MUSK: variants seen among roughly 807,000 people sequenced by gnomAD.
MUSK encodes muscle, skeletal receptor tyrosine-protein kinase.
In MUSK, 55 loss-of-function variants were observed where a neutral mutation model predicts 88.7. The observed-to-expected ratio is 0.62, with a 90% CI of 0.50 to 0.78. MUSK has a LOEUF of 0.78. Among genes scored for constraint, MUSK ranks in the 30% least tolerant of loss-of-function variants. MUSK has a pLI of 0.00. For synonymous variants in MUSK, 387 were observed against 391.9 expected (o/e 0.99, Z 0.15); for missense variants, 1,015 against 1,074.3 (o/e 0.94, Z 0.77).
chr9:110,738,776 G>T (rs1158830518), intron 6 of MUSK, among the ~76,000 whole-genome samples: 1 of 152,088 alleles, frequency 6.6e-6, no homozygotes, highest in South Asian at 2.1e-4. Context: ...TTCTGTGCCT[G>T]CCAGATATTT....
intron 7 of MUSK, among the ~76,000 whole-genome samples, chr9:110,757,464 AAAAAAAAAAG>A (rs1015404070): frequency 5.9e-5 from 9 of 151,752 alleles, no homozygotes; most frequent in South Asian, 2.1e-4. Context: ...GTCTTGAAAA[AAAAAAAAAAG>A]AAAAAGAAAG....
rs1477659323 is a variant in MUSK at position 110,804,916 on chromosome 9, T to C, written c.*3928T>C. Among the ~76,000 whole-genome samples, 1 of 151,890 alleles carries C rather than the reference T, an allele frequency of 6.6e-6. No homozygotes were observed. The highest frequency in any genetic ancestry group is 1.9e-4 in the East Asian group (1 of 5,198). On this transcript the variant is annotated 3_prime_UTR_variant, in exon 15 of 15. Transcript: ENST00000374448. ...TAGATGATACATAGAGAGAGATAGA[T>C]AGATAATTTAAACAAAAATAAGATC...
Position 110,800,809 on chromosome 9 carries a change from G to A in MUSK, c.2431G>A (p.Val811Ile), listed in dbSNP as rs776545682. 2 of 1,613,602 alleles carry A rather than the reference G, an allele frequency of 1.2e-6. No homozygotes were observed. The highest frequency in any genetic ancestry group is 1.1e-5 in the South Asian group (1 of 91,078). Residue 811 changes from valine (V) to isoleucine (I), a missense_variant, in exon 15 of 15, where the codon GTC becomes ATC. Coordinates refer to ENST00000374448, the MANE Select transcript of MUSK (RefSeq NM_005592.4). ...QPYYGMAHEE[V>I]IYYVRDGNIL... The stretch of plus-strand genomic sequence containing the variant: ...CTACTATGGGATGGCCCATGAGGAG[G>A]TCATTTACTACGTGCGAGATGGCAA...
At chr9:110,738,388 T>G (rs2077055057) in intron 6 of MUSK, among the ~76,000 whole-genome samples, 1 of 152,194 alleles carries the variant, frequency 6.6e-6, no homozygotes, top group African/African-American at 2.4e-5. Flanking sequence ...CTTTGTCATT[T>G]AAAAATATTC....
intron 5 of MUSK, among the ~76,000 whole-genome samples, chr9:110,722,663 T>C (rs985795370): frequency 2.0e-5 from 3 of 149,268 alleles, no homozygotes; most frequent in African/African-American, 7.4e-5. Context: ...GACCAAGGAG[T>C]AATATTCAGA....
intron 1 of MUSK, among the ~76,000 whole-genome samples, chr9:110,678,350 G>A (rs2076056860): frequency 6.6e-6 from 1 of 151,920 alleles, no homozygotes; most frequent in South Asian, 2.1e-4. Context: ...CAAAACACCT[G>A]GATCCTTCAG....
intron 5 of MUSK, among the ~76,000 whole-genome samples, chr9:110,721,098 TA>T (rs1382697420): frequency 6.6e-6 from 1 of 152,038 alleles, no homozygotes; most frequent in Non-Finnish European, 1.5e-5. Context: ...CTTAAGGTAA[TA>T]AAAGCCATCT....
In MUSK at chr9:110,801,924, T is replaced by A. The variant is rs150709383; in HGVS notation, c.*936T>A. 4.5e-3 allele frequency among the ~76,000 whole-genome samples: 690 copies of A among 152,334 alleles called. 2 individuals are homozygous for A. The highest frequency in any genetic ancestry group is 7.5e-3 in the Non-Finnish European group (507 of 68,032). The stretch of plus-strand genomic sequence containing the variant: ...TTAAATACCATTGTAGATTGATATG[T>A]ATATGCCTTTTGCAAAGTATTACTA... On this transcript the variant is annotated 3_prime_UTR_variant, in exon 15 of 15. Coordinates refer to ENST00000374448, the MANE Select transcript of MUSK (RefSeq NM_005592.4).
In MUSK at chr9:110,800,664, C is replaced by T. The variant is rs199832657; in HGVS notation, c.2286C>T (p.Asp762=). Residue 762 remains aspartate (D), a synonymous_variant, in exon 15 of 15, where the codon GAC becomes GAT. Coordinates refer to ENST00000374448, the MANE Select transcript of MUSK (RefSeq NM_005592.4). ...ACTACTACAAAGCTAATGAAAACGA[C>T]GCTATCCCTATCCGTTGGATGCCAC... ...SADYYKANEN[D]AIPIRWMPPE... The T allele has an allele frequency of 2.9e-4, 473 of 1,613,944 alleles. 5 individuals carry two copies. In the South Asian group the frequency reaches 4.6e-3, roughly 16 times the overall value.
intron 1 of MUSK, among the ~76,000 whole-genome samples, chr9:110,680,558 G>T (rs1468472285): frequency 2.0e-5 from 3 of 151,294 alleles, no homozygotes; most frequent in African/African-American, 7.3e-5. Flanking sequence ...TAAATTTTTT[G>T]TATTTTTAGT....
At chr9:110,686,467 G>GA (rs2076197619) in intron 2 of MUSK, among the ~76,000 whole-genome samples, 1 of 152,084 alleles carries the variant, frequency 6.6e-6, no homozygotes, top group South Asian at 2.1e-4. Flanking sequence ...TTGGTTAAAA[G>GA]AAACTCTCTT....
chr9:110,720,787 A>G (rs1385663812), intron 5 of MUSK, among the ~76,000 whole-genome samples: 3 of 152,150 alleles, frequency 2.0e-5, no homozygotes, highest in Non-Finnish European at 4.4e-5. Context: ...GAGCATAACC[A>G]AAAAAGAAAA....
chr9:110,701,676 TTTTTTTTACTTTAC>T (rs1564230194), intron 5 of MUSK, among the ~76,000 whole-genome samples: 1,713 of 23,754 alleles, frequency 0.072, 759 homozygotes, highest in African/African-American at 0.39. Context: ...TTTTATTTTA[TTTTTTTTACTTTAC>T]TTTATTTTAT....
chr9:110,752,819 C>T (rs910362585), intron 7 of MUSK, among the ~76,000 whole-genome samples: 21 of 152,212 alleles, frequency 1.4e-4, no homozygotes, highest in African/African-American at 4.6e-4. Context: ...CTGCCCAAAT[C>T]CTTATGCATT....
intron 5 of MUSK, among the ~76,000 whole-genome samples, chr9:110,717,388 A>C (rs895744196): frequency 6.7e-6 from 1 of 149,672 alleles, no homozygotes; most frequent in Non-Finnish European, 1.5e-5. Flanking sequence ...AGTCTCTTTA[A>C]CTAAAGCAAG....
Position 110,681,014 on chromosome 9 carries a change from A to T in MUSK, c.80-1660A>T, listed in dbSNP as rs549802786. Among the ~76,000 whole-genome samples the T allele has an allele frequency of 5.4e-3, 167 of 30,948 alleles. 5 individuals carry two copies. Among genetic ancestry groups the T allele is most frequent in the African/African-American group, 0.018 (68 of 3,822 alleles). The allele number at this position is 30,948 out of a possible 152,430, so 20.3% of individuals were successfully genotyped here. On this transcript the variant is annotated intron_variant, in intron 1 of 14. Coordinates refer to ENST00000374448, the MANE Select transcript of MUSK (RefSeq NM_005592.4). Reference sequence around the variant, plus strand: ...CCTTATAATATATTATATTATATATAATATATATTATATATTATATATTAT... The same window carrying T: ...CCTTATAATATATTATATTATATATTATATATATTATATATTATATATTAT...
intron 5 of MUSK, chr9:110,728,865 C>T (rs919260669): frequency 7.0e-6 from 4 of 567,878 alleles, no homozygotes; most frequent in African/African-American, 3.9e-5. Flanking sequence ...CAGCACTTAA[C>T]GGTGTTATTA....
intron 1 of MUSK, among the ~76,000 whole-genome samples, chr9:110,677,639 C>G (rs2131636419): frequency 6.6e-6 from 1 of 152,308 alleles, no homozygotes; most frequent in South Asian, 2.1e-4. Flanking sequence ...GTTTCCTCTG[C>G]CTGGAACACT....
At chr9:110,687,357 CAG>C in intron 3 of MUSK, 89 bp downstream of exon 3, 1 of 1,465,020 alleles carries the variant, frequency 6.8e-7, no homozygotes, top group African/African-American at 1.4e-5. Flanking sequence ...TTTTTTGAGA[CAG>C]AGTCTCACTC....
Sources: gnomAD v4.1 joint callset for allele counts (sites outside exome capture counted in the v4.1 genomes callset) on GRCh38, gnomAD v4.1.1 for gene constraint, MANE v1.5 for transcripts, NCBI Gene and HGNC (gene_info 2026-07-23, HGNC 2026-07-21) for gene names.